ASPRV1: variants seen among roughly 807,000 people sequenced by gnomAD.
The protein encoded by ASPRV1 is retroviral-like aspartic protease 1.
In ASPRV1, 7 loss-of-function variants were observed where a neutral mutation model predicts 11.0. That is an observed-to-expected ratio of 0.64 (90% CI 0.36 to 1.20). The LOEUF (loss-of-function observed/expected upper bound fraction) is 1.20, where lower values mean the gene tolerates loss of function less well. Ranked by LOEUF, ASPRV1 falls within the 50% of genes most tolerant of loss-of-function variation. The pLI, the probability that ASPRV1 is intolerant of heterozygous loss-of-function variation, is 0.02. For missense variants in ASPRV1, 299 were observed against 320.0 expected (o/e 0.93, Z 0.50); for synonymous variants, 136 against 138.4 (o/e 0.98, Z 0.12).
the ASPRV1 span, chr2:70,075,273 T>G: frequency 6.7e-6 from 1 of 148,268 alleles, no homozygotes; most frequent in Non-Finnish European, 1.5e-5. Flanking sequence ...TATGCCCAGC[T>G]GATTTTTTTT....
chr2:70,008,151 A>C, the ASPRV1 span, among the ~76,000 whole-genome samples: 1 of 151,892 alleles, frequency 6.6e-6, no homozygotes, highest in Non-Finnish European at 1.5e-5. Flanking sequence ...TTTTTTTAAT[A>C]ATAATATTCA....
chr2:70,065,819 C>CAAAAAAAAAAAAAAAAAAAAAAAAGAAAA, the ASPRV1 span, among the ~76,000 whole-genome samples: 1 of 67,448 alleles, frequency 1.5e-5, no homozygotes, highest in Non-Finnish European at 2.6e-5. Context: ...GCTTTTGACT[C>CAAAAAAAAAAAAAAAAAAAAAAAAGAAAA]AAAAAAAAAA....
upstream of ASPRV1, chr2:69,963,012 G>C (rs979088899): frequency 2.2e-5 from 7 of 321,050 alleles, no homozygotes; most frequent in Non-Finnish European, 4.4e-5. Flanking sequence ...TCCTGGCCAA[G>C]AGCCTGTCCC....
chr2:69,946,061 C>T, the ASPRV1 span, among the ~76,000 whole-genome samples: 1 of 152,184 alleles, frequency 6.6e-6, no homozygotes, highest in Non-Finnish European at 1.5e-5. Context: ...GGCTGGGTGA[C>T]ACCTGGAGAT....
the ASPRV1 span, among the ~76,000 whole-genome samples, chr2:69,973,915 T>A: frequency 6.6e-6 from 1 of 152,236 alleles, no homozygotes; most frequent in Non-Finnish European, 1.5e-5. Flanking sequence ...CCACTGTGGC[T>A]GATTTCAATC....
At chr2:69,985,956 C>T in the ASPRV1 span, among the ~76,000 whole-genome samples, 9 of 152,114 alleles carry the variant, frequency 5.9e-5, no homozygotes, top group African/African-American at 1.9e-4. Flanking sequence ...GACGGCTCAT[C>T]GAATTTGGAG....
the ASPRV1 span, chr2:70,018,253 C>T: frequency 6.6e-6 from 1 of 151,776 alleles, no homozygotes; most frequent in East Asian, 1.9e-4. Context: ...ACTGTTGAAA[C>T]ACTGACGAAA....
At chr2:69,961,956 C>G, upstream of ASPRV1, 1 of 399,282 alleles carries the variant, frequency 2.5e-6, no homozygotes, top group Non-Finnish European at 4.7e-6. Flanking sequence ...AGGCAGGGAC[C>G]AGACGCCCAT....
chr2:69,970,625 G>A, the ASPRV1 span: 2 of 152,344 alleles, frequency 1.3e-5, no homozygotes, highest in East Asian at 1.9e-4. Flanking sequence ...CCTCTAAGGT[G>A]CTATCATAAG....
At chr2:70,075,530 T>C in the ASPRV1 span, among the ~76,000 whole-genome samples, 1 of 152,124 alleles carries the variant, frequency 6.6e-6, no homozygotes, top group Non-Finnish European at 1.5e-5. Flanking sequence ...ATAATCCATG[T>C]AGAGTACATA....
chr2:70,081,544 A>G, the ASPRV1 span: 3 of 152,128 alleles, frequency 2.0e-5, no homozygotes, highest in East Asian at 3.9e-4. Context: ...GTAGTAACCT[A>G]GAAAGTAACA....
At chr2:70,041,230 G>A in the ASPRV1 span, among the ~76,000 whole-genome samples, 3 of 152,314 alleles carry the variant, frequency 2.0e-5, no homozygotes, top group East Asian at 5.8e-4. Flanking sequence ...ATACATGAGG[G>A]TCTCAAGAGG....
chr2:70,028,683 T>C, the ASPRV1 span: 1 of 152,294 alleles, frequency 6.6e-6, no homozygotes, highest in East Asian at 1.9e-4. Flanking sequence ...ATTCATGTCA[T>C]AGTCACAAGA....
the ASPRV1 span, among the ~76,000 whole-genome samples, chr2:69,979,321 C>T: frequency 1.3e-5 from 2 of 152,246 alleles, no homozygotes; most frequent in Non-Finnish European, 2.9e-5. Context: ...GTGTGAGCCA[C>T]CACGCCCGGC....
chr2:70,033,057 T>C, the ASPRV1 span, among the ~76,000 whole-genome samples: 1 of 152,024 alleles, frequency 6.6e-6, no homozygotes, highest in Non-Finnish European at 1.5e-5. Flanking sequence ...TCCCTGAACC[T>C]CCCTATCCCA....
the ASPRV1 span, among the ~76,000 whole-genome samples, chr2:69,974,476 C>T: frequency 2.0e-5 from 3 of 152,056 alleles, no homozygotes; most frequent in Non-Finnish European, 4.4e-5. Context: ...ACCATTGGTT[C>T]ATGAAATTCC....
the ASPRV1 span, among the ~76,000 whole-genome samples, chr2:70,041,088 G>T: frequency 1.3e-5 from 2 of 152,192 alleles, no homozygotes; most frequent in East Asian, 3.8e-4. Flanking sequence ...GATGCTCAAA[G>T]AACATACCTA....
the ASPRV1 span, among the ~76,000 whole-genome samples, chr2:70,076,236 T>A: frequency 1.3e-5 from 2 of 152,234 alleles, no homozygotes; most frequent in African/African-American, 4.8e-5. Context: ...CCAGTCTTCC[T>A]CTCAACCTAC....
the ASPRV1 span, among the ~76,000 whole-genome samples, chr2:70,082,029 G>A: frequency 6.6e-6 from 1 of 151,874 alleles, no homozygotes; most frequent in African/African-American, 2.4e-5. Flanking sequence ...CCAGGCTGGA[G>A]TACAGTGGCA....
Sources: gnomAD v4.1 joint callset for allele counts (sites outside exome capture counted in the v4.1 genomes callset) on GRCh38, gnomAD v4.1.1 for gene constraint, MANE v1.5 for transcripts, NCBI Gene and HGNC (gene_info 2026-07-23, HGNC 2026-07-21) for gene names.